ZNRF2: variants seen among roughly 807,000 people sequenced by gnomAD.
ZNRF2 encodes zinc and ring finger 2, also known as E3 ubiquitin-protein ligase ZNRF2.
A neutral mutation model predicts 20.4 loss-of-function variants in ZNRF2; 16 were observed. That is an observed-to-expected ratio of 0.79 (90% confidence interval 0.53 to 1.19). The LOEUF (loss-of-function observed/expected upper bound fraction) is 1.19, where lower values mean the gene tolerates loss of function less well. ZNRF2 is among the 50% of genes most tolerant of loss of function. The pLI, the probability that ZNRF2 is intolerant of heterozygous loss-of-function variation, is 0.00. For missense variants in ZNRF2, 363 were observed against 332.4 expected (o/e 1.09, Z -0.72); for synonymous variants, 178 against 144.9 (o/e 1.23, Z -1.64).
intron 1 of ZNRF2, among the ~76,000 whole-genome samples, chr7:30,297,896 G>T (rs1799043627): frequency 6.6e-6 from 1 of 151,776 alleles, no homozygotes; most frequent in Admixed American, 6.6e-5. Context: ...AGGTCTCGAG[G>T]CTCTGTCACC....
chr7:30,336,311 A>G (rs901572253), intron 2 of ZNRF2, among the ~76,000 whole-genome samples: 1 of 152,036 alleles, frequency 6.6e-6, no homozygotes, highest in Non-Finnish European at 1.5e-5. Context: ...AGAAGTGGCC[A>G]TAAGTATCTT....
chr7:30,326,223 T>C (rs975265421), intron 2 of ZNRF2, among the ~76,000 whole-genome samples: 1 of 152,176 alleles, frequency 6.6e-6, no homozygotes, highest in African/African-American at 2.4e-5. Flanking sequence ...TCTACAGATA[T>C]TTTGTTACTC....
chr7:30,318,165 C>T (rs779367582), intron 1 of ZNRF2, among the ~76,000 whole-genome samples: 2 of 151,824 alleles, frequency 1.3e-5, no homozygotes, highest in African/African-American at 2.4e-5. Flanking sequence ...CCAGTGAGGT[C>T]GATGACATAG....
Position 30,285,483 on chromosome 7 carries a change from GGCC to G in ZNRF2, c.135_137del (p.Ala46del). 2 of 1,088,490 alleles carry G rather than the reference GGCC, an allele frequency of 1.8e-6. No individual in the cohort carries two copies. The highest frequency in any genetic ancestry group is 7.4e-5 in the East Asian group (1 of 13,462). 67.4% of individuals were successfully genotyped at this position (1,088,490 alleles called of 1,614,324 possible). On this transcript the variant is annotated inframe_deletion, in exon 1 of 5. Transcript: ENST00000323037. The stretch of plus-strand genomic sequence containing the variant: ...CCGCGGGCGGCGGCGGGGGCGCTCG[GGCC>G]GCCGCCGCGGGGAGGTTCCCGGCTC...
chr7:30,320,201 G>A lies in ZNRF2; in HGVS notation c.470-3441G>A, dbSNP rs556325795. On this transcript the variant is annotated intron_variant, in intron 1 of 4. Coordinates refer to ENST00000323037, the MANE Select transcript of ZNRF2 (RefSeq NM_147128.4). ...GTGTCCCAAATAATTATCTATATAT[G>A]TTATATATGTAGATCTCTATACAGA... is the stretch of plus-strand genomic sequence containing the variant. Among the ~76,000 whole-genome samples the A allele has an allele frequency of 1.4e-4, 21 of 151,976 alleles. No individual in the cohort carries two copies. The South Asian group carries it at 1.7e-3, about 12-fold the overall frequency.
chr7:30,306,175 C>A (rs1273886222), intron 1 of ZNRF2, among the ~76,000 whole-genome samples: 2 of 152,180 alleles, frequency 1.3e-5, no homozygotes, highest in African/African-American at 4.8e-5. Flanking sequence ...AACACTCTTA[C>A]TATCAAAATA....
rs1798758001 is a variant in ZNRF2 at position 30,285,451 on chromosome 7, A to G, written c.94A>G (p.Asn32Asp). 2 of 1,162,324 alleles carry G rather than the reference A, an allele frequency of 1.7e-6. No homozygotes were observed. Among genetic ancestry groups the G allele is most frequent in the Non-Finnish European group, 2.1e-6 (2 of 938,858 alleles). 72.0% of individuals were successfully genotyped at this position (1,162,324 alleles called of 1,614,324 possible). The change falls in exon 1 of 5, where the codon AAT becomes GAT. Residue 32 changes from asparagine (N) to aspartate (D), a missense_variant. Transcript: ENST00000323037. ...ACCTTCCAGTAGCAGCGGAGGCGCCAATGGGACCGCGGGCGGCGGCGGGGG... is the reference window on the plus strand; with the variant it reads ...ACCTTCCAGTAGCAGCGGAGGCGCCGATGGGACCGCGGGCGGCGGCGGGGG... ...DLPSSSSGGA[N>D]GTAGGGGGAR... is the part of the protein sequence containing the mutation.
At chr7:30,363,525 A>G (rs1006440495) in intron 4 of ZNRF2, among the ~76,000 whole-genome samples, 1 of 152,174 alleles carries the variant, frequency 6.6e-6, no homozygotes, top group Non-Finnish European at 1.5e-5. Context: ...AGGTAGGAAC[A>G]TTTTCTTCAA....
intron 2 of ZNRF2, among the ~76,000 whole-genome samples, chr7:30,327,161 G>A (rs1180496008): frequency 6.6e-6 from 1 of 151,930 alleles, no homozygotes; most frequent in African/African-American, 2.4e-5. Flanking sequence ...TCAATTTTTG[G>A]TTTTGTTGCA....
intron 1 of ZNRF2, among the ~76,000 whole-genome samples, chr7:30,311,560 G>T (rs1282017066): frequency 6.6e-6 from 1 of 152,132 alleles, no homozygotes; most frequent in African/African-American, 2.4e-5. Flanking sequence ...AATGACTTTT[G>T]TCAGACTAAC....
intron 2 of ZNRF2, among the ~76,000 whole-genome samples, chr7:30,353,275 TTA>T (rs1799986213): frequency 6.6e-6 from 1 of 152,068 alleles, no homozygotes; most frequent in Non-Finnish European, 1.5e-5. Flanking sequence ...TGAGCAGAGA[TTA>T]TGTCACTAGA....
chr7:30,348,617 C>T (rs780156632), intron 2 of ZNRF2, among the ~76,000 whole-genome samples: 27 of 152,168 alleles, frequency 1.8e-4, no homozygotes, highest in Non-Finnish European at 3.4e-4. Context: ...CATCTGGCCA[C>T]CCTGGGCCTT....
At chr7:30,315,599 A>G (rs575582773) in intron 1 of ZNRF2, among the ~76,000 whole-genome samples, 13 of 152,132 alleles carry the variant, frequency 8.5e-5, no homozygotes, top group African/African-American at 2.9e-4. Context: ...ATTACAGTGA[A>G]CATGGAGAAG....
At chr7:30,300,059 C>G (rs1799086978) in intron 1 of ZNRF2, among the ~76,000 whole-genome samples, 1 of 151,740 alleles carries the variant, frequency 6.6e-6, no homozygotes, top group Non-Finnish European at 1.5e-5. Context: ...GCAGGGATTA[C>G]AGGCGTGAGC....
chr7:30,314,161 A>T (rs189926527), intron 1 of ZNRF2, among the ~76,000 whole-genome samples: 14 of 150,954 alleles, frequency 9.3e-5, no homozygotes, highest in Admixed American at 9.3e-4. Context: ...TTAATTTATT[A>T]ATTCAAACAA....
At chr7:30,329,669 G>A (rs1471164903) in intron 2 of ZNRF2, among the ~76,000 whole-genome samples, 1 of 152,130 alleles carries the variant, frequency 6.6e-6, no homozygotes, top group Admixed American at 6.6e-5. Context: ...ATATTCTATT[G>A]TTTATAGATA....
chr7:30,318,644 A>G (rs922767394), intron 1 of ZNRF2, among the ~76,000 whole-genome samples: 1 of 152,220 alleles, frequency 6.6e-6, no homozygotes, highest in Non-Finnish European at 1.5e-5. Flanking sequence ...ACAATGTACA[A>G]ATACTGAGTT....
chr7:30,336,026 G>C (rs748050883), intron 2 of ZNRF2, among the ~76,000 whole-genome samples: 25 of 152,130 alleles, frequency 1.6e-4, no homozygotes, highest in Admixed American at 5.9e-4. Context: ...CCTAGCTGCT[G>C]TAAACCATAT....
At chr7:30,299,009 A>G (rs1799063700) in intron 1 of ZNRF2, among the ~76,000 whole-genome samples, 1 of 152,216 alleles carries the variant, frequency 6.6e-6, no homozygotes, top group Admixed American at 6.5e-5. Flanking sequence ...CCCTTTAAAA[A>G]TTACATTTTT....
Sources: allele counts gnomAD v4.1 joint callset (sites outside exome capture counted in the v4.1 genomes callset), GRCh38; gene constraint gnomAD v4.1.1; transcripts MANE v1.5; gene names NCBI Gene and HGNC (gene_info 2026-07-23, HGNC 2026-07-21).